Variants in MGA observed in about 807,000 individuals in gnomAD.
MGA encodes the protein MAX gene-associated protein.
Under a neutral mutation model 261.1 loss-of-function variants are expected in MGA, and 40 were observed. The observed-to-expected ratio is 0.15, with a 90% CI of 0.12 to 0.20. The LOEUF (loss-of-function observed/expected upper bound fraction) is 0.20. MGA is among the 10% of genes least tolerant of loss of function. The pLI, the probability that MGA is intolerant of heterozygous loss-of-function variation, is 1.00. For synonymous variants in MGA, 1,302 were observed against 1,290.6 expected (o/e 1.01, Z -0.19); for missense variants, 3,397 against 3,630.5 (o/e 0.94, Z 1.65).
chr15:41,677,288 C>T lies in MGA; in HGVS notation c.1064+7330C>T, dbSNP rs144622106. On this transcript the variant is annotated intron_variant, in intron 2 of 23. Coordinates refer to ENST00000219905, the MANE Select transcript of MGA (RefSeq NM_001164273.2). ...TCCAGAGTAGCTGCGATTACAGGCACGTGCCACCGCACCCAGCTAATTTTT... is the reference window on the plus strand; with the variant it reads ...TCCAGAGTAGCTGCGATTACAGGCATGTGCCACCGCACCCAGCTAATTTTT... Among the ~76,000 whole-genome samples the T allele has an allele frequency of 2.2e-3, 340 of 152,254 alleles. 1 individual carries two copies. Among genetic ancestry groups the T allele is most frequent in the Admixed American group, 4.6e-3 (70 of 15,300 alleles).
At chr15:41,626,312 C>G (rs1434003764) in intron 1 of MGA, among the ~76,000 whole-genome samples, 5 of 141,546 alleles carry the variant, frequency 3.5e-5, no homozygotes, top group Non-Finnish European at 4.6e-5. Flanking sequence ...GACAAGTGGT[C>G]TTTCCATGTT....
chr15:41,680,892 A>T (rs1359905407), intron 2 of MGA, among the ~76,000 whole-genome samples: 1 of 152,170 alleles, frequency 6.6e-6, no homozygotes, highest in East Asian at 1.9e-4. Flanking sequence ...CTAGAGGTTG[A>T]GCTGGCTCAG....
chr15:41,653,706 C>T (rs2057112293), intron 1 of MGA, among the ~76,000 whole-genome samples: 1 of 147,600 alleles, frequency 6.8e-6, no homozygotes, highest in African/African-American at 2.5e-5. Context: ...AGTGAGACCC[C>T]ATCTCTTAAA....
At chr15:41,743,296 C>G in intron 15 of MGA, 124 bp downstream of exon 15, 1 of 1,212,600 alleles carries the variant, frequency 8.2e-7, no homozygotes, top group Non-Finnish European at 1.1e-6. Flanking sequence ...TAACATGATA[C>G]ATGTATTCCT....
intron 1 of MGA, among the ~76,000 whole-genome samples, chr15:41,635,264 G>C (rs1280045222): frequency 6.6e-6 from 1 of 152,170 alleles, no homozygotes; most frequent in Non-Finnish European, 1.5e-5. Flanking sequence ...AACCCAGGAG[G>C]TGGAGGTCAC....
chr15:41,692,975 G>C (rs2059362668), intron 2 of MGA, among the ~76,000 whole-genome samples: 1 of 152,138 alleles, frequency 6.6e-6, no homozygotes, highest in Non-Finnish European at 1.5e-5. Flanking sequence ...TAGGATTATA[G>C]GCGTGAGCCA....
At chr15:41,664,215 C>T (rs1357765995) in intron 1 of MGA, among the ~76,000 whole-genome samples, 2 of 152,068 alleles carry the variant, frequency 1.3e-5, no homozygotes, top group African/African-American at 4.8e-5. Context: ...TTATTATATG[C>T]CTGTGCACAA....
rs1304432900 is a variant in MGA at position 41,736,225 on chromosome 15, A to T, written c.3961A>T (p.Thr1321Ser). Residue 1321 changes from threonine to serine, a missense_variant, in exon 13 of 24, where the codon ACT (threonine) becomes TCT (serine). Physicochemically the swap from Thr to Ser is moderately conservative, Grantham distance 58. This residue lies in a region of MGA where 1,410 missense variants were observed against 1,386.4 expected (regional missense o/e 1.02). Coordinates refer to ENST00000219905, the MANE Select transcript of MGA (RefSeq NM_001164273.2). ...CTGCAATGAAGGAGAATCCTCTTCT[A>T]CTTCTTATATGCATCAGAGGTCACC... The T allele has an allele frequency of 6.2e-7, 1 of 1,608,590 alleles. No individual in the cohort carries two copies. The highest frequency in any genetic ancestry group is 2.2e-5 in the East Asian group (1 of 44,832).
Position 41,711,081 on chromosome 15 carries a change from C to T in MGA, c.2816C>T (p.Thr939Ile). Residue 939 changes from threonine to isoleucine, a missense_variant, in exon 8 of 24, where the codon ACC (threonine) becomes ATC (isoleucine). Thr to Ile is a moderately conservative substitution (Grantham distance 89, BLOSUM62 -1). Coordinates refer to ENST00000219905, the MANE Select transcript of MGA (RefSeq NM_001164273.2). ...CATGTGATTCTAGGAGATAAGGTTA[C>T]CAAGAATTCTTCAGGCATCATCTCA... The T allele has an allele frequency of 4.3e-6, 7 of 1,613,990 alleles. No individual in the cohort carries two copies. The highest frequency in any genetic ancestry group is 5.9e-6 in the Non-Finnish European group (7 of 1,179,894).
chr15:41,743,549 T>C (rs2062239764), intron 15 of MGA, among the ~76,000 whole-genome samples: 1 of 152,226 alleles, frequency 6.6e-6, no homozygotes, highest in Non-Finnish European at 1.5e-5. Flanking sequence ...ACTGAAGTAA[T>C]GCAGGTAAGA....
chr15:41,758,307 T>C (rs2063259735), intron 19 of MGA, among the ~76,000 whole-genome samples: 2 of 152,188 alleles, frequency 1.3e-5, no homozygotes, highest in Non-Finnish European at 2.9e-5. Flanking sequence ...TTGTTTATCC[T>C]AACCAACAGT....
At position 41,766,627 on chromosome 15, in the gene MGA, A is replaced by G; in HGVS notation, c.8545A>G (p.Ser2849Gly). Residue 2849 changes from serine (S) to glycine (G), a missense_variant, in exon 24 of 24, where the codon AGC (serine) becomes GGC (glycine). Physicochemically the swap from Ser to Gly is moderately conservative, Grantham distance 56. Transcript: ENST00000219905. ...CTCTGTTGGCCTGGCTGAACTACCC[A>G]GCTCTATGGATACAGAGTTCCCAGG... 6.2e-7 allele frequency: 1 copy of G among 1,614,024 alleles called. No homozygotes were observed. Among genetic ancestry groups the G allele is most frequent in the Non-Finnish European group, 8.5e-7 (1 of 1,179,892 alleles).
chr15:41,687,246 G>A (rs752038996), intron 2 of MGA, among the ~76,000 whole-genome samples: 9 of 152,030 alleles, frequency 5.9e-5, no homozygotes, highest in African/African-American at 1.9e-4. Context: ...TGTGCCTACC[G>A]TTGGTTTTTA....
intron 2 of MGA, chr15:41,684,536 A>T: frequency 2.8e-6 from 1 of 359,064 alleles, no homozygotes; most frequent in South Asian, 2.2e-5. Context: ...ATCCTTTCTG[A>T]GAGTGTTTAT....
At chr15:41,630,804 A>G (rs765104848) in intron 1 of MGA, among the ~76,000 whole-genome samples, 2 of 152,116 alleles carry the variant, frequency 1.3e-5, no homozygotes, top group African/African-American at 2.4e-5. Flanking sequence ...TTTGCTGGAG[A>G]TGGAACCTAA....
chr15:41,767,220 G>A lies in MGA; in HGVS notation c.9138G>A (p.Leu3046=), dbSNP rs372873353. 3 of 1,613,974 alleles carry A rather than the reference G, an allele frequency of 1.9e-6. No homozygotes were observed. In the African/African-American group the frequency reaches 4.0e-5, roughly 22 times the overall value. Residue 3046 remains leucine, a synonymous_variant, in exon 24 of 24, where the codon TTG becomes TTA. Coordinates refer to ENST00000219905, the MANE Select transcript of MGA (RefSeq NM_001164273.2). ...GGGAAAGCAAGGTGATGCCTACATT[G>A]GCACCTGTTGTGGCTAAATTGGGCA...
intron 9 of MGA, 53 bp from the exon 10 acceptor site, chr15:41,727,127 T>A: frequency 2.8e-6 from 4 of 1,451,590 alleles, no homozygotes; most frequent in Admixed American, 2.2e-5. Flanking sequence ...TGCCTCAGTA[T>A]TGATCTTTTG....
chr15:41,704,059 C>T lies in MGA; in HGVS notation c.2189-3669C>T, dbSNP rs189802647. On this transcript the variant is annotated intron_variant, in intron 5 of 23. Transcript: ENST00000219905. ...AACTCTTCAGCTCAAGAGGTCTGCC[C>T]GCCTTGGCCTCCTGAAGTGGTGGGA... Among the ~76,000 whole-genome samples, 24 of 152,202 alleles carry T rather than the reference C, an allele frequency of 1.6e-4. No homozygotes were observed. In the East Asian group the frequency reaches 4.1e-3, roughly 26 times the overall value.
rs145308305 is a variant in MGA at position 41,735,323 on chromosome 15, A to G, written c.3916+729A>G. Among the ~76,000 whole-genome samples, 640 of 152,338 alleles carry G rather than the reference A, an allele frequency of 4.2e-3. 5 individuals are homozygous for G. Among genetic ancestry groups the G allele is most frequent in the African/African-American group, 0.015 (609 of 41,590 alleles). On this transcript the variant is annotated intron_variant, in intron 12 of 23. Transcript: ENST00000219905. ...GTCTAGTCAACATGTTGCCATGGAA[A>G]GAATACTTTGGGTAGTTGAGTGATC... is the stretch of plus-strand genomic sequence containing the variant.
Sources: gnomAD v4.1 joint callset for allele counts (sites outside exome capture counted in the v4.1 genomes callset) on GRCh38, gnomAD v4.1.1 for gene constraint, gnomAD v4.1.1 regional missense constraint, MANE v1.5 for transcripts, NCBI Gene and HGNC (gene_info 2026-07-23, HGNC 2026-07-21) for gene names.